Variants in USP36 observed in about 807,000 individuals in gnomAD.
USP36 encodes the protein ubiquitin specific peptidase 36.
A neutral mutation model predicts 111.5 loss-of-function variants in USP36; 59 were observed. That is an observed-to-expected ratio of 0.53 (90% CI 0.43 to 0.66). The LOEUF (loss-of-function observed/expected upper bound fraction) is 0.66, where lower values mean the gene tolerates loss of function less well. USP36 is among the 30% of genes least tolerant of loss of function. USP36 has a pLI of 0.00. For missense variants in USP36, 1,488 were observed against 1,468.0 expected (o/e 1.01, Z -0.22); for synonymous variants, 628 against 581.0 (o/e 1.08, Z -1.16).
intron 4 of USP36, among the ~76,000 whole-genome samples, chr17:78,834,997 G>GTGTGTATATATATATA (rs968867639): frequency 1.4e-5 from 2 of 141,392 alleles, no homozygotes; most frequent in African/African-American, 5.6e-5. Flanking sequence ...AATAATATTT[G>GTGTGTATATATATATA]TATATATATA....
chr17:78,815,923 CATACACACACAT>C (rs1290901371), intron 10 of USP36, among the ~76,000 whole-genome samples: 2 of 151,870 alleles, frequency 1.3e-5, no homozygotes, highest in Admixed American at 6.6e-5. Context: ...CATACGCACA[CATACACACACAT>C]ATACACACAT....
chr17:78,799,494 G>A (rs1307126059), intron 18 of USP36, among the ~76,000 whole-genome samples, 173 bp downstream of exon 18: 1 of 152,110 alleles, frequency 6.6e-6, no homozygotes, highest in Non-Finnish European at 1.5e-5. Flanking sequence ...TTCGTGCCAC[G>A]GCTGAGGGTT....
chr17:78,828,880 C>T lies in USP36; in HGVS notation c.586+17G>A. ...AATAAATAAATCACAAAAATTTTAACATGGATTGATGCTTACTTTTCAGGT... is the reference window on the plus strand; with the variant it reads ...AATAAATAAATCACAAAAATTTTAATATGGATTGATGCTTACTTTTCAGGT... On this transcript the variant is annotated intron_variant, in intron 5 of 20. Coordinates refer to ENST00000449938, the MANE Select transcript of USP36 (RefSeq NM_001385174.1). The T allele has an allele frequency of 6.2e-7, 1 of 1,609,038 alleles. No homozygotes were observed. Among genetic ancestry groups the T allele is most frequent in the Non-Finnish European group, 8.5e-7 (1 of 1,178,192 alleles).
chr17:78,816,222 C>T (rs2094185646), intron 10 of USP36, among the ~76,000 whole-genome samples: 1 of 151,152 alleles, frequency 6.6e-6, no homozygotes. Flanking sequence ...TGCAGTGGTA[C>T]ATTCATAGCT....
intron 2 of USP36, 79 bp downstream of exon 2, chr17:78,838,508 C>A (rs1416963409): frequency 7.3e-6 from 1 of 137,392 alleles, no homozygotes; most frequent in South Asian, 2.1e-4. Flanking sequence ...AGACTTCTCA[C>A]CAACTGAACA....
rs1193414715 is a variant in USP36, at chr17:78,798,739, G to A, written c.3240+169C>T. The stretch of plus-strand genomic sequence containing the variant: ...CTATTGACAAAGGGGCGGAAGCTGC[G>A]AGGATGCATGCCCTGTCCATGGCCA... On this transcript the variant is annotated intron_variant, in intron 19 of 20. Transcript: ENST00000449938. This position sits in a 1 kb window ranked among gnomAD's most constrained non-coding sequence, Gnocchi z 5.1. 1.3e-5 allele frequency among the ~76,000 whole-genome samples: 2 copies of A among 152,302 alleles called. No homozygotes were observed. The highest frequency in any genetic ancestry group is 2.4e-5 in the African/African-American group (1 of 41,576).
chr17:78,835,335 C>T lies in USP36; in HGVS notation c.420G>A (p.Leu140=). 1.2e-6 allele frequency: 2 copies of T among 1,614,204 alleles called. No individual in the cohort carries two copies. The highest frequency in any genetic ancestry group is 1.7e-6 in the Non-Finnish European group (2 of 1,180,042). The change falls in exon 4 of 21, where the codon TTG becomes TTA. Residue 140 remains leucine (L), a synonymous_variant. Transcript: ENST00000449938. The part of the protein sequence containing the change: ...TCFLNATIQC[L]TYTPPLANYL... ...AGTTGGCTAGAGGTGGTGTGTAGGT[C>T]AAGCACTGGATGGTGGCATTGAGAA...
chr17:78,835,053 GTAAT>G (rs934292623), intron 4 of USP36, among the ~76,000 whole-genome samples: 10 of 150,294 alleles, frequency 6.7e-5, no homozygotes, highest in African/African-American at 2.3e-4. Flanking sequence ...TTCTGTCTGG[GTAAT>G]TATTTACAGA....
chr17:78,807,296 G>A lies in USP36; in HGVS notation c.1748C>T (p.Pro583Leu). The change falls in exon 14 of 21, where the codon CCT becomes CTT. Residue 583 changes from proline (P) to leucine (L), a missense_variant. Pro to Leu is a moderately conservative substitution (Grantham distance 98, BLOSUM62 -3). This residue lies in a region of USP36 where 1,073 missense variants were observed against 994.1 expected (regional missense o/e 1.08). Transcript: ENST00000449938. ...DSRDVVLSTSPKLLATATANG... is the reference protein window; with the variant it reads ...DSRDVVLSTSLKLLATATANG... The stretch of plus-strand genomic sequence containing the variant: ...GGCAGTGGCTGTAGCCAGGAGCTTA[G>A]GTGAGGTAGAGAGGACAACATCCCT... 2 of 1,614,182 alleles carry A rather than the reference G, an allele frequency of 1.2e-6. No individual in the cohort carries two copies. The highest frequency in any genetic ancestry group is 1.7e-6 in the Non-Finnish European group (2 of 1,180,020).
chr17:78,791,765 T>G (rs1172207856), downstream of USP36: 1 of 152,106 alleles, frequency 6.6e-6, no homozygotes. Flanking sequence ...AACCTTATGT[T>G]GGGGAATGAT....
At position 78,829,026 on chromosome 17, in the gene USP36, G is replaced by A; in HGVS notation, c.476-19C>T. 1 of 1,607,694 alleles carries A rather than the reference G, an allele frequency of 6.2e-7. No individual in the cohort carries two copies. Among genetic ancestry groups the A allele is most frequent in the Non-Finnish European group, 8.5e-7 (1 of 1,176,604 alleles). On this transcript the variant is annotated intron_variant, in intron 4 of 20. Coordinates refer to ENST00000449938, the MANE Select transcript of USP36 (RefSeq NM_001385174.1). ...TGGTGGCCTGCCGGCGTGGAAGGAG[G>A]AGCAATTTTAAGACAAGAGCTTTCA...
intron 9 of USP36, among the ~76,000 whole-genome samples, chr17:78,819,608 T>C (rs1420808306): frequency 6.6e-6 from 1 of 152,264 alleles, no homozygotes; most frequent in South Asian, 2.1e-4. Context: ...CCACGTCCTC[T>C]TGGTGTGGCC....
chr17:78,822,984 G>C (rs1463282506), intron 6 of USP36: 5 of 396,428 alleles, frequency 1.3e-5, no homozygotes, highest in Non-Finnish European at 2.2e-5. Flanking sequence ...GGCACAAAGC[G>C]GGGCTGTTTC....
rs1356160500 is a variant in USP36, at chr17:78,823,246, T to C, written c.690-1242A>G. 7 of 398,520 alleles carry C rather than the reference T, an allele frequency of 1.8e-5. No homozygotes were observed. The East Asian group carries it at 2.5e-4, about 14-fold the overall frequency. 24.7% of individuals were successfully genotyped at this position (398,520 alleles called of 1,614,324 possible). On this transcript the variant is annotated intron_variant, in intron 6 of 20. Transcript: ENST00000449938. Reference sequence around the variant, plus strand: ...CTACTGTCCCACCATTCTTCAAAAGTGACCTTTTAACTGCAAATACTAGCA... The same window carrying C: ...CTACTGTCCCACCATTCTTCAAAAGCGACCTTTTAACTGCAAATACTAGCA...
intron 7 of USP36, chr17:78,821,407 TATATATATA>T (rs1567952546): frequency 6.1e-4 from 38 of 62,214 alleles, no homozygotes; most frequent in African/African-American, 3.2e-3. Context: ...TATATATATA[TATATATATA>T]TATATTTTTT....
chr17:78,834,501 G>A (rs542698093), intron 4 of USP36, among the ~76,000 whole-genome samples: 4 of 152,068 alleles, frequency 2.6e-5, no homozygotes, highest in Admixed American at 1.3e-4. Context: ...GGAGTGCAGC[G>A]GCATGATCTT....
intron 7 of USP36, 164 bp from the exon 8 acceptor site, chr17:78,821,225 T>C: frequency 3.3e-6 from 2 of 615,058 alleles, no homozygotes; most frequent in Non-Finnish European, 5.6e-6. Flanking sequence ...GAGAGCTCTC[T>C]TTCACCACTG....
chr17:78,798,771 C>T lies in USP36; in HGVS notation c.3240+137G>A, dbSNP rs2093673743. 36 of 1,245,638 alleles carry T rather than the reference C, an allele frequency of 2.9e-5. No homozygotes were observed. The highest frequency in any genetic ancestry group is 4.4e-5 in the African/African-American group (3 of 67,660). The allele number at this position is 1,245,638 out of a possible 1,614,324, so 77.2% of individuals were successfully genotyped here. A position where few individuals can be genotyped will look rare whatever the true frequency, so the allele number is the denominator to read the frequency against. Reference sequence around the variant, plus strand: ...CATGCCCTGTCCATGGCCACACGCCCGGACAGGCCTGGGCAGCCTGGCTCT... The same window carrying T: ...CATGCCCTGTCCATGGCCACACGCCTGGACAGGCCTGGGCAGCCTGGCTCT... On this transcript the variant is annotated intron_variant, in intron 19 of 20. Transcript: ENST00000449938. The surrounding 1 kb of genome is among the most constrained non-coding windows in gnomAD (Gnocchi z 5.1).
intron 10 of USP36, among the ~76,000 whole-genome samples, chr17:78,815,759 A>G (rs2094163311): frequency 6.6e-6 from 1 of 152,222 alleles, no homozygotes; most frequent in African/African-American, 2.4e-5. Context: ...ATATGCATAC[A>G]TGCACGCATA....
Sources: gnomAD v4.1 joint callset for allele counts (sites outside exome capture counted in the v4.1 genomes callset) on GRCh38, gnomAD v4.1.1 for gene constraint, gnomAD v4.1.1 regional missense constraint, Gnocchi (gnomAD v3.1) non-coding constraint, MANE v1.5 for transcripts, NCBI Gene and HGNC (gene_info 2026-07-23, HGNC 2026-07-21) for gene names.